The following ZNF280C variants were observed in gnomAD, a reference collection of about 807,000 sequenced individuals.
ZNF280C encodes zinc finger protein 280C, also known as suppressor of hairy wing homolog 3.
Under a neutral mutation model 53.6 loss-of-function variants are expected in ZNF280C, and 14 were observed. The ratio of observed to expected loss-of-function variants is 0.26; its 90% CI spans 0.17 to 0.41. ZNF280C has a LOEUF of 0.41. ZNF280C is among the 10% of genes least tolerant of loss of function. ZNF280C has a pLI of 1.00. For missense variants in ZNF280C, 416 were observed against 547.1 expected (o/e 0.76, Z 2.39); for synonymous variants, 203 against 181.1 (o/e 1.12, Z -0.97).
chrX:130,257,920 C>T (rs1002084589), intron 2 of ZNF280C, among the ~76,000 whole-genome samples: 8 of 111,799 alleles, frequency 7.2e-5, no homozygotes, highest in Non-Finnish European at 1.5e-4. Flanking sequence ...ACCAGCCTGG[C>T]CAACATGGTG....
chrX:130,233,366 C>T (rs1300411797), intron 8 of ZNF280C, among the ~76,000 whole-genome samples: 1 of 111,513 alleles, frequency 9.0e-6, no homozygotes, highest in African/African-American at 3.3e-5. Flanking sequence ...CCTGTAATCC[C>T]AGCACTTTGG....
intron 12 of ZNF280C, among the ~76,000 whole-genome samples, chrX:130,221,876 C>T (rs1016336732): frequency 1.8e-5 from 2 of 111,143 alleles, no homozygotes; most frequent in South Asian, 7.6e-4. Context: ...CATGGTTAAA[C>T]CCTCCAAATG....
chrX:130,240,068 C>T (rs866883208), intron 5 of ZNF280C, among the ~76,000 whole-genome samples: 50 of 111,188 alleles, frequency 4.5e-4, no homozygotes, highest in African/African-American at 1.6e-3. Context: ...TACTCAATTT[C>T]TAAGAATCTA....
chrX:130,243,331 G>A (rs1257472612), intron 5 of ZNF280C, among the ~76,000 whole-genome samples: 3 of 111,239 alleles, frequency 2.7e-5, no homozygotes, highest in Admixed American at 9.6e-5. Context: ...TACAGGTGGT[G>A]CACCACTATG....
intron 2 of ZNF280C, 112 bp downstream of exon 2, chrX:130,260,304 AAAT>A (rs1482672661): frequency 2.0e-6 from 1 of 492,514 alleles, no homozygotes. Context: ...ATAAATAAAT[AAAT>A]AATATTTGTT....
At chrX:130,257,192 C>T (rs1289230225) in intron 2 of ZNF280C, among the ~76,000 whole-genome samples, 7 of 47,788 alleles carry the variant, frequency 1.5e-4, no homozygotes, top group Non-Finnish European at 2.1e-4. Flanking sequence ...GAGCGAGACT[C>T]TGTCTCAAAA....
rs1327148689 is a variant in ZNF280C, at chrX:130,205,162, A to G, written c.2162-9T>C. On this transcript the variant is annotated splice_polypyrimidine_tract_variant and intron_variant, in intron 17 of 18. Transcript: ENST00000370978. Reference sequence around the variant, plus strand: ...TGAGGTACTTTTGGAAACTGAAATCAAAAGAGTTTTACATTTACAATAGCA... The same window carrying G: ...TGAGGTACTTTTGGAAACTGAAATCGAAAGAGTTTTACATTTACAATAGCA... 5.8e-6 allele frequency: 7 copies of G among 1,198,956 alleles called. No individual in the cohort carries two copies. The highest frequency in any genetic ancestry group is 5.6e-6 in the Non-Finnish European group (5 of 887,207).
intron 2 of ZNF280C, among the ~76,000 whole-genome samples, chrX:130,250,898 C>T (rs771089399): frequency 4.5e-5 from 5 of 109,940 alleles, no homozygotes; most frequent in Admixed American, 9.8e-5. Context: ...AGTTCGAGAC[C>T]GGCCTGGATA....
intron 16 of ZNF280C, among the ~76,000 whole-genome samples, chrX:130,206,940 T>C (rs1329111822): frequency 4.5e-5 from 5 of 112,202 alleles, no homozygotes; most frequent in South Asian, 3.7e-4. Context: ...TTAGACATTA[T>C]TGCCTGATCT....
rs997420576 is a variant in ZNF280C at position 130,209,860 on chromosome X, A to C, written c.1980-145T>G. On this transcript the variant is annotated intron_variant, in intron 15 of 18. Transcript: ENST00000370978. ...TAAATAATAAAATTCTGTTGGTTAAAGCTATAATCTGAATTTCTGTGTCAC... is the reference window on the plus strand; with the variant it reads ...TAAATAATAAAATTCTGTTGGTTAACGCTATAATCTGAATTTCTGTGTCAC... 7.6e-6 allele frequency: 4 copies of C among 526,738 alleles called. No homozygotes were observed. The African/African-American group carries it at 9.6e-5, about 13-fold the overall frequency. The allele number at this position is 526,738 out of a possible 1,213,427, so 43.4% of individuals were successfully genotyped here. A position where few individuals can be genotyped will look rare whatever the true frequency, so the allele number is the denominator to read the frequency against.
At position 130,260,409 on chromosome X, in the gene ZNF280C, A is replaced by G; in HGVS notation, c.31+10T>C. ...TGCCTATTAGTATCAACTACAGCAG[A>G]AATACTTACTTTTTGGTTGAAAAGG... On this transcript the variant is annotated intron_variant, in intron 2 of 18. Transcript: ENST00000370978. 8.4e-7 allele frequency: 1 copy of G among 1,194,749 alleles called. No individual in the cohort carries two copies. The highest frequency in any genetic ancestry group is 1.1e-6 in the Non-Finnish European group (1 of 885,805).
rs1016337517 is a variant in ZNF280C at position 130,240,423 on chromosome X, A to T, written c.382-730T>A. On this transcript the variant is annotated intron_variant, in intron 5 of 18. Transcript: ENST00000370978. ...CACAATACTTTTATAATGAGGATATAAAGATTTTGCTTGCTTGTTTTGTGC... is the reference window on the plus strand; with the variant it reads ...CACAATACTTTTATAATGAGGATATTAAGATTTTGCTTGCTTGTTTTGTGC... Among the ~76,000 whole-genome samples, 6 of 111,859 alleles carry T rather than the reference A, an allele frequency of 5.4e-5. No individual in the cohort carries two copies. In the Admixed American group the frequency reaches 5.7e-4, roughly 11 times the overall value.
rs1459280848 is a variant in ZNF280C, at chrX:130,230,716, T to C, written c.783A>G (p.Pro261=). 8.4e-7 allele frequency: 1 copy of C among 1,190,396 alleles called. No individual in the cohort carries two copies. Among genetic ancestry groups the C allele is most frequent in the Admixed American group, 2.2e-5 (1 of 44,666 alleles). The change falls in exon 9 of 19, where the codon CCA becomes CCG. Residue 261 remains proline, a synonymous_variant. Coordinates refer to ENST00000370978, the MANE Select transcript of ZNF280C (RefSeq NM_017666.5). ...PLKYHMKHCC[P]DMITKFLGVI... ...CTCCCAAAAATTTAGTTATCATGTC[T>C]GGACAACAATGCTGAAAGAGGAAAA...
Position 130,204,979 on chromosome X carries a change from A to G in ZNF280C, c.2212T>C (p.Ter738GlnextTer38). 1 of 1,073,138 alleles carries G rather than the reference A, an allele frequency of 9.3e-7. No individual in the cohort carries two copies. The highest frequency in any genetic ancestry group is 2.0e-5 in the African/African-American group (1 of 50,996). 88.4% of individuals were successfully genotyped at this position (1,073,138 alleles called of 1,213,427 possible). A position where few individuals can be genotyped will look rare whatever the true frequency, so the allele number is the denominator to read the frequency against. The change falls in exon 19 of 19, where the codon TAG becomes CAG. Residue 738 changes from the stop codon to glutamine (Q), a stop_lost. Coordinates refer to ENST00000370978, the MANE Select transcript of ZNF280C (RefSeq NM_017666.5). Reference protein sequence around the residue: ...SEPTTGCSLK* With the variant: ...SEPTTGCSLKQ ...CATGAACTCCATGGAGCAGGAATCT[A>G]TTTCAATGAGCAGCTTTAAGAAAAA...
chrX:130,217,484 G>C, intron 13 of ZNF280C, among the ~76,000 whole-genome samples: 1 of 112,180 alleles, frequency 8.9e-6, no homozygotes, highest in Non-Finnish European at 1.9e-5. Flanking sequence ...GGTTTCTTTT[G>C]AGGGTGATAA....
chrX:130,259,659 T>C (rs2032609471), intron 2 of ZNF280C, among the ~76,000 whole-genome samples: 1 of 112,759 alleles, frequency 8.9e-6, no homozygotes, highest in East Asian at 2.7e-4. Context: ...ACATGTTTAC[T>C]GTATTTTTTT....
chrX:130,208,294 G>A (rs1335901023), intron 16 of ZNF280C, among the ~76,000 whole-genome samples: 4 of 110,540 alleles, frequency 3.6e-5, no homozygotes, highest in South Asian at 3.8e-4. Flanking sequence ...CACGCCCGGC[G>A]AATTTTTGTA....
chrX:130,259,974 A>C (rs2032613311), intron 2 of ZNF280C, among the ~76,000 whole-genome samples: 1 of 105,057 alleles, frequency 9.5e-6, no homozygotes, highest in Admixed American at 1.0e-4. Context: ...TAGGTGACAG[A>C]GTGAGAATCT....
Position 130,205,113 on chromosome X carries a change from T to A in ZNF280C, c.2198+4A>T. On this transcript the variant is annotated splice_donor_region_variant and intron_variant, in intron 18 of 18. Coordinates refer to ENST00000370978, the MANE Select transcript of ZNF280C (RefSeq NM_017666.5). Reference sequence around the variant, plus strand: ...AAAATGCACTGAAGGAAAATTAAACTTACCCAGTAGTGGGTTCAGAAGTTG... The same window carrying A: ...AAAATGCACTGAAGGAAAATTAAACATACCCAGTAGTGGGTTCAGAAGTTG... 1 of 1,196,320 alleles carries A rather than the reference T, an allele frequency of 8.4e-7. No homozygotes were observed. Among genetic ancestry groups the A allele is most frequent in the Non-Finnish European group, 1.1e-6 (1 of 889,242 alleles).
Sources: gnomAD v4.1 joint callset for allele counts (sites outside exome capture counted in the v4.1 genomes callset) on GRCh38, gnomAD v4.1.1 for gene constraint, MANE v1.5 for transcripts, NCBI Gene and HGNC (gene_info 2026-07-23, HGNC 2026-07-21) for gene names.